Variants in BBOX1 observed in about 807,000 individuals in gnomAD.
BBOX1 encodes the protein gamma-butyrobetaine hydroxylase 1.
Under a neutral mutation model 41.6 loss-of-function variants are expected in BBOX1, and 35 were observed. The ratio of observed to expected loss-of-function variants is 0.84; its 90% CI spans 0.64 to 1.11. The LOEUF (loss-of-function observed/expected upper bound fraction) is 1.11. Among genes scored for constraint, BBOX1 ranks in the 50% most tolerant of loss-of-function variants. BBOX1 has a pLI of 0.00. For missense variants in BBOX1, 458 were observed against 460.6 expected (o/e 0.99, Z 0.05); for synonymous variants, 163 against 154.7 (o/e 1.05, Z -0.40).
chr11:27,105,806 G>T (rs924961866), intron 5 of BBOX1, among the ~76,000 whole-genome samples: 1 of 152,064 alleles, frequency 6.6e-6, no homozygotes, highest in Non-Finnish European at 1.5e-5. Context: ...CACCAAAGTT[G>T]AAATGAAGGA....
rs187565574 is a variant in BBOX1 at position 27,048,055 on chromosome 11, C to A, written c.-39+6577C>A. On this transcript the variant is annotated intron_variant, in intron 2 of 8. Transcript: ENST00000263182. ...TTATCTATACATTGTGAAATAATTA[C>A]CACAATCAAACTAATTAATATATCC... 1.4e-4 allele frequency among the ~76,000 whole-genome samples: 22 copies of A among 152,186 alleles called. No homozygotes were observed. The East Asian group carries it at 2.9e-3, about 20-fold the overall frequency.
At chr11:27,057,155 C>A (rs549297776) in intron 3 of BBOX1, 46 bp from the exon 4 acceptor site, 11 of 1,317,218 alleles carry the variant, frequency 8.4e-6, no homozygotes, top group Non-Finnish European at 9.4e-6. Flanking sequence ...TAGTGGAGAA[C>A]GGAAATAAAA....
chr11:27,121,421 T>A (rs1043847253), intron 7 of BBOX1, among the ~76,000 whole-genome samples: 1 of 152,132 alleles, frequency 6.6e-6, no homozygotes, highest in African/African-American at 2.4e-5. Context: ...GTAAATTTAG[T>A]TATATTTTAA....
intron 5 of BBOX1, among the ~76,000 whole-genome samples, chr11:27,110,953 A>C (rs1859038842): frequency 6.6e-6 from 1 of 151,900 alleles, no homozygotes; most frequent in African/African-American, 2.4e-5. Context: ...GCCTCCTTTC[A>C]ATTACCCATT....
At chr11:27,099,646 T>C (rs1382364495) in intron 5 of BBOX1, among the ~76,000 whole-genome samples, 1 of 152,060 alleles carries the variant, frequency 6.6e-6, no homozygotes, top group East Asian at 1.9e-4. Context: ...TGACAGCTGC[T>C]CATAGGATCA....
At position 27,115,239 on chromosome 11, in the gene BBOX1, G is replaced by C. The variant is rs537235823; in HGVS notation, c.534-213G>C. Among the ~76,000 whole-genome samples the C allele has an allele frequency of 4.6e-5, 7 of 151,948 alleles. 2 individuals are homozygous for C. Among genetic ancestry groups the C allele is most frequent in the African/African-American group, 1.7e-4 (7 of 41,508 alleles). ...GTAGGATAGACTGATGTACTCTTTT[G>C]TTGAGAGGAGAGGAAAAATGAGGAG... On this transcript the variant is annotated intron_variant, in intron 5 of 8. Coordinates refer to ENST00000263182, the MANE Select transcript of BBOX1 (RefSeq NM_003986.3).
In BBOX1 at chr11:27,127,404, T is replaced by C; in HGVS notation, c.1115T>C (p.Val372Ala). The change falls in exon 9 of 9, where the codon GTC (valine) becomes GCC (alanine). Residue 372 changes from valine (V) to alanine (A), a missense_variant. By Grantham distance (64) the Val-to-Ala change is moderately conservative. Coordinates refer to ENST00000263182, the MANE Select transcript of BBOX1 (RefSeq NM_003986.3). ...LEGAYADWDV[V>A]MSRLRILRQR... ...GGAGCTTATGCTGACTGGGATGTGG[T>C]CATGTCAAGGCTTCGTATCTTAAGG... is the stretch of plus-strand genomic sequence containing the variant. 1 of 1,614,094 alleles carries C rather than the reference T, an allele frequency of 6.2e-7. No homozygotes were observed. The highest frequency in any genetic ancestry group is 1.1e-5 in the South Asian group (1 of 91,044).
chr11:27,060,122 A>G (rs966910320), intron 4 of BBOX1, among the ~76,000 whole-genome samples: 7 of 152,142 alleles, frequency 4.6e-5, no homozygotes, highest in East Asian at 3.9e-4. Context: ...GTAATCTCCA[A>G]TGTTGGAGGT....
At chr11:27,119,988 G>A in intron 7 of BBOX1, 143 bp downstream of exon 7, 1 of 508,950 alleles carries the variant, frequency 2.0e-6, no homozygotes, top group Non-Finnish European at 3.2e-6. Flanking sequence ...TAGAGTGATA[G>A]TATTTTCACC....
intron 4 of BBOX1, among the ~76,000 whole-genome samples, chr11:27,071,613 C>CA (rs367572400): frequency 1.3e-4 from 19 of 151,128 alleles, no homozygotes; most frequent in African/African-American, 2.7e-4. Context: ...GTGGCACCAA[C>CA]AAAAAAAAGA....
chr11:27,048,263 C>T, intron 2 of BBOX1, among the ~76,000 whole-genome samples: 1 of 152,074 alleles, frequency 6.6e-6, no homozygotes, highest in South Asian at 2.1e-4. Flanking sequence ...CCCCATTTCT[C>T]CCACCTCCCA....
chr11:27,123,071 T>C (rs917635328), intron 7 of BBOX1, among the ~76,000 whole-genome samples: 11 of 152,120 alleles, frequency 7.2e-5, no homozygotes, highest in African/African-American at 2.7e-4. Flanking sequence ...CATTCTTCAA[T>C]CCTCAGAATA....
At chr11:27,086,908 A>G (rs2134028150) in intron 4 of BBOX1, among the ~76,000 whole-genome samples, 1 of 152,214 alleles carries the variant, frequency 6.6e-6, no homozygotes, top group Non-Finnish European at 1.5e-5. Flanking sequence ...GGGGTTCAAG[A>G]CTTCAGCAGA....
intron 8 of BBOX1, among the ~76,000 whole-genome samples, chr11:27,126,677 CTTTT>C (rs66505246): frequency 2.3e-5 from 3 of 127,820 alleles, no homozygotes; most frequent in Non-Finnish European, 3.4e-5. Context: ...TCTTTTTTTT[CTTTT>C]TTTTTTTTTT....
rs760267651 is a variant in BBOX1 at position 27,119,731 on chromosome 11, T to C, written c.722T>C (p.Leu241Pro). ...GATGGGTTTAATGTGTGCCAAAAACTAAAGAAAAATAATCCTCAGGCATTC... is the reference window on the plus strand; with the variant it reads ...GATGGGTTTAATGTGTGCCAAAAACCAAAGAAAAATAATCCTCAGGCATTC... ...IVDGFNVCQK[L>P]KKNNPQAFQI... is the part of the protein sequence containing the mutation. The change falls in exon 7 of 9, where the codon CTA (leucine) becomes CCA (proline). Residue 241 changes from leucine to proline, a missense_variant. Physicochemically the swap from Leu to Pro is moderately conservative, Grantham distance 98. Transcript: ENST00000263182. 1 of 1,604,778 alleles carries C rather than the reference T, an allele frequency of 6.2e-7. No homozygotes were observed. The highest frequency in any genetic ancestry group is 8.5e-7 in the Non-Finnish European group (1 of 1,176,898).
chr11:27,108,607 G>A (rs1858946518), intron 5 of BBOX1, among the ~76,000 whole-genome samples: 1 of 151,996 alleles, frequency 6.6e-6, no homozygotes, highest in Non-Finnish European at 1.5e-5. Context: ...CAATATAATG[G>A]ATTGTCTGAC....
chr11:27,115,780 AC>A (rs1458219046), intron 6 of BBOX1, among the ~76,000 whole-genome samples: 1 of 151,902 alleles, frequency 6.6e-6, no homozygotes, highest in Non-Finnish European at 1.5e-5. Flanking sequence ...AACAACAACA[AC>A]AAAAACATTT....
chr11:27,106,052 G>A (rs1169238981), intron 5 of BBOX1, among the ~76,000 whole-genome samples: 1 of 152,090 alleles, frequency 6.6e-6, no homozygotes, highest in Non-Finnish European at 1.5e-5. Context: ...GAGAGATTTT[G>A]TCACCACCAG....
intron 4 of BBOX1, among the ~76,000 whole-genome samples, chr11:27,081,174 C>A (rs1857821670): frequency 2.0e-5 from 3 of 152,060 alleles, no homozygotes; most frequent in South Asian, 2.1e-4. Flanking sequence ...TTAGTAAGTT[C>A]TTTTTCAATG....
Sources: allele counts gnomAD v4.1 joint callset (sites outside exome capture counted in the v4.1 genomes callset), GRCh38; gene constraint gnomAD v4.1.1; transcripts MANE v1.5; gene names NCBI Gene and HGNC (gene_info 2026-07-23, HGNC 2026-07-21).